Variants in GABRG3 observed in about 807,000 individuals in gnomAD.
The protein encoded by GABRG3 is gamma-aminobutyric acid type A receptor subunit gamma3.
Under a neutral mutation model 48.8 loss-of-function variants are expected in GABRG3, and 25 were observed. The observed-to-expected ratio is 0.51, with a 90% confidence interval of 0.37 to 0.72. The LOEUF is 0.72. GABRG3 is among the 30% of genes least tolerant of loss of function. The pLI, the probability that GABRG3 is intolerant of heterozygous loss-of-function variation, is 0.00. For missense variants in GABRG3, 394 were observed against 577.9 expected (o/e 0.68, Z 3.26); for synonymous variants, 227 against 217.6 (o/e 1.04, Z -0.38).
At chr15:27,410,968 T>A (rs193300989) in intron 5 of GABRG3, among the ~76,000 whole-genome samples, 1 of 152,022 alleles carries the variant, frequency 6.6e-6, no homozygotes, top group Admixed American at 6.6e-5. Context: ...TTCACAGATA[T>A]TGAAGATCCA....
At position 26,975,597 on chromosome 15, in the gene GABRG3, A is replaced by G. The variant is rs2095833644; in HGVS notation, c.54-1405A>G. Among the ~76,000 whole-genome samples, 1 of 152,238 alleles carries G rather than the reference A, an allele frequency of 6.6e-6. No individual in the cohort carries two copies. The highest frequency in any genetic ancestry group is 6.5e-5 in the Admixed American group (1 of 15,288). On this transcript the variant is annotated intron_variant, in intron 1 of 9. Coordinates refer to ENST00000615808, the MANE Select transcript of GABRG3 (RefSeq NM_033223.5). The surrounding 1 kb of genome is among the most constrained non-coding windows in gnomAD (Gnocchi z 4.6). ...AAAGACTCATGTATATATTACATAAATATGCATGTGCATATATATGAAGAC... is the reference window on the plus strand; with the variant it reads ...AAAGACTCATGTATATATTACATAAGTATGCATGTGCATATATATGAAGAC...
rs79355549 is a variant in GABRG3, at chr15:27,259,365, C to G, written c.271-67444C>G. ...GGTGCAGCTTTGTGCCATTGGGCTC[C>G]GTCCTTCTCTGTCTTGGGGATGTCC... On this transcript the variant is annotated intron_variant, in intron 3 of 9. Transcript: ENST00000615808. Among the ~76,000 whole-genome samples, 1,574 of 152,220 alleles carry G rather than the reference C, an allele frequency of 0.01. 63 individuals are homozygous for G. The East Asian group carries it at 0.13, about 13-fold the overall frequency.
At chr15:27,192,326 A>G (rs208145) in intron 3 of GABRG3, among the ~76,000 whole-genome samples, 31,178 of 152,134 alleles carry the variant, frequency 0.2, 3,254 homozygotes, top group East Asian at 0.34. Flanking sequence ...GTGTTTTCCA[A>G]CTTGGTTCCA....
In GABRG3 at chr15:27,537,394, T is replaced by C. The variant is rs911752116; in HGVS notation, c.*4513T>C. 2.0e-5 allele frequency: 3 copies of C among 152,224 alleles called. No homozygotes were observed. The highest frequency in any genetic ancestry group is 7.2e-5 in the African/African-American group (3 of 41,454). The allele number at this position is 152,224 out of a possible 1,614,324, so 9.4% of individuals were successfully genotyped here. A position where few individuals can be genotyped will look rare whatever the true frequency, so the allele number is the denominator to read the frequency against. Reference sequence around the variant, plus strand: ...GTGTGTAATCTGTACCTATTTTTTTTCTCAAATTGGCCTGGAGGAAACATT... The same window carrying C: ...GTGTGTAATCTGTACCTATTTTTTTCCTCAAATTGGCCTGGAGGAAACATT... On this transcript the variant is annotated 3_prime_UTR_variant, in exon 10 of 10. Coordinates refer to ENST00000615808, the MANE Select transcript of GABRG3 (RefSeq NM_033223.5).
At chr15:27,169,434 C>T (rs142794459) in intron 3 of GABRG3, among the ~76,000 whole-genome samples, 4 of 151,994 alleles carry the variant, frequency 2.6e-5, no homozygotes, top group Non-Finnish European at 5.9e-5. Flanking sequence ...AGGGGAGGGA[C>T]GAGAAGCATG....
intron 3 of GABRG3, among the ~76,000 whole-genome samples, chr15:27,118,057 C>T (rs1266609035): frequency 1.3e-5 from 2 of 152,202 alleles, no homozygotes; most frequent in African/African-American, 4.8e-5. Context: ...CTTCTCTTAA[C>T]CAGTTTCAAG....
intron 3 of GABRG3, among the ~76,000 whole-genome samples, chr15:27,277,625 A>G (rs1001759126): frequency 6.6e-6 from 1 of 152,170 alleles, no homozygotes; most frequent in Non-Finnish European, 1.5e-5. Context: ...CATTGGTGAC[A>G]TTGGTGACTG....
intron 3 of GABRG3, among the ~76,000 whole-genome samples, chr15:27,271,903 G>T (rs963959479): frequency 2.0e-5 from 3 of 152,208 alleles, no homozygotes; most frequent in Non-Finnish European, 4.4e-5. Flanking sequence ...AGTATCCCCT[G>T]GGAGCTTGTG....
intron 5 of GABRG3, among the ~76,000 whole-genome samples, chr15:27,403,783 G>A (rs987948526): frequency 6.7e-5 from 10 of 150,230 alleles, no homozygotes; most frequent in East Asian, 2.0e-4. Flanking sequence ...GTGGTAGTGC[G>A]CGCCTGTAAT....
chr15:27,406,294 C>T (rs13380206), intron 5 of GABRG3, among the ~76,000 whole-genome samples: 23,693 of 152,050 alleles, frequency 0.16, 2,218 homozygotes, highest in African/African-American at 0.26. Flanking sequence ...TGCTAGGAGG[C>T]GGAGCTTAAC....
intron 3 of GABRG3, among the ~76,000 whole-genome samples, chr15:27,201,583 T>A (rs1888686194): frequency 7.3e-6 from 1 of 137,752 alleles, no homozygotes; most frequent in African/African-American, 3.3e-5. Flanking sequence ...CACTTACACC[T>A]TGAGAGCTGG....
intron 5 of GABRG3, among the ~76,000 whole-genome samples, chr15:27,358,621 G>A (rs904721076): frequency 6.6e-6 from 1 of 152,098 alleles, no homozygotes; most frequent in Non-Finnish European, 1.5e-5. Context: ...GTTCCACCGA[G>A]ATCCAAAAAG....
At chr15:27,327,101 T>G in intron 4 of GABRG3, 72 bp downstream of exon 4, 2 of 1,297,532 alleles carry the variant, frequency 1.5e-6, no homozygotes, top group Non-Finnish European at 2.2e-6. Flanking sequence ...ACTGTAGGAA[T>G]GAGACCCTAT....
intron 3 of GABRG3, among the ~76,000 whole-genome samples, chr15:27,029,768 C>G (rs78802371): frequency 6.6e-6 from 1 of 152,088 alleles, no homozygotes; most frequent in South Asian, 2.1e-4. Context: ...TAAGCAGCCC[C>G]GAGCTGGCAG....
chr15:27,150,584 A>G (rs747289010), intron 3 of GABRG3, among the ~76,000 whole-genome samples: 1 of 152,214 alleles, frequency 6.6e-6, no homozygotes, highest in South Asian at 2.1e-4. Context: ...AACAACTTCT[A>G]TCAACTACGT....
intron 5 of GABRG3, among the ~76,000 whole-genome samples, chr15:27,376,052 C>CCA (rs1895583963): frequency 6.6e-6 from 1 of 152,206 alleles, no homozygotes; most frequent in African/African-American, 2.4e-5. Flanking sequence ...GTAAATACAG[C>CCA]CATTCCAAAT....
chr15:27,299,386 T>A (rs1892117423), intron 3 of GABRG3, among the ~76,000 whole-genome samples: 1 of 152,214 alleles, frequency 6.6e-6, no homozygotes, highest in African/African-American at 2.4e-5. Flanking sequence ...AATAGGTGGA[T>A]TGCTGAAGAA....
At chr15:27,129,713 GT>G (rs144545389) in intron 3 of GABRG3, among the ~76,000 whole-genome samples, 32,548 of 142,658 alleles carry the variant, frequency 0.23, 4,462 homozygotes, top group Non-Finnish European at 0.32. Flanking sequence ...TTTCTGTTTT[GT>G]TTTTTTTTTT....
At chr15:27,454,825 T>C (rs1425913997) in intron 5 of GABRG3, among the ~76,000 whole-genome samples, 1 of 152,180 alleles carries the variant, frequency 6.6e-6, no homozygotes, top group Admixed American at 6.5e-5. Context: ...CATACGTACG[T>C]TGACAAAGTA....
Sources: gnomAD v4.1 joint callset for allele counts (sites outside exome capture counted in the v4.1 genomes callset) on GRCh38, gnomAD v4.1.1 for gene constraint, Gnocchi (gnomAD v3.1) non-coding constraint, MANE v1.5 for transcripts, NCBI Gene and HGNC (gene_info 2026-07-23, HGNC 2026-07-21) for gene names.